DNAH5: variants seen among roughly 807,000 people sequenced by gnomAD.
DNAH5 encodes the protein axonemal beta dynein heavy chain 5.
DNAH5 carries 372 observed loss-of-function variants against 518.2 expected under a neutral mutation model. The ratio of observed to expected loss-of-function variants is 0.72; its 90% CI spans 0.66 to 0.78. The LOEUF (loss-of-function observed/expected upper bound fraction) is 0.78. Ranked by LOEUF, DNAH5 falls within the 30% of genes least tolerant of loss-of-function variation. The pLI is 0.00. For missense variants in DNAH5, 5,523 were observed against 5,687.0 expected, an observed-to-expected ratio of 0.97 and a Z score of 0.93; for synonymous variants, 2,039 against 2,025.9, an observed-to-expected ratio of 1.01 and a Z score of -0.17.
At position 13,717,482 on chromosome 5, in the gene DNAH5, G is replaced by A; in HGVS notation, c.12538C>T (p.Gln4180Ter). ...ACTGCGTACAGCATGGGCTTCCACT[G>A]GGACCCAGAGCTCACGTCCAGCAGG... ...QDLLDVSSGS[Q>*]WKPMLYAVAF... Residue 4180 changes from glutamine to a stop codon, truncating the protein, a stop_gained, in exon 73 of 79, where the codon CAG becomes TAG. Transcript: ENST00000265104. LOFTEE classifies it high-confidence loss of function. 1 of 1,614,146 alleles carries A rather than the reference G, an allele frequency of 6.2e-7. No individual in the cohort carries two copies. Among genetic ancestry groups the A allele is most frequent in the Non-Finnish European group, 8.5e-7 (1 of 1,180,006 alleles).
chr5:13,769,423 G>C, intron 57 of DNAH5, 78 bp downstream of exon 57: 1 of 1,158,788 alleles, frequency 8.6e-7, no homozygotes, highest in Middle Eastern at 1.9e-4. Flanking sequence ...GTTATAGCCA[G>C]TGAATATGCA....
chr5:13,871,066 T>G (rs1218107529), intron 23 of DNAH5, 64 bp from the exon 24 acceptor site: 1 of 1,258,810 alleles, frequency 7.9e-7, no homozygotes, highest in Non-Finnish European at 1.1e-6. Flanking sequence ...AAAGTCAAAC[T>G]GTCGCTGTTC....
At chr5:13,786,146 T>C in intron 52 of DNAH5, 33 bp downstream of exon 52, 1 of 1,611,186 alleles carries the variant, frequency 6.2e-7, no homozygotes, top group South Asian at 1.1e-5. Context: ...GTCTGTCACC[T>C]CCACAAGGCA....
intron 65 of DNAH5, among the ~76,000 whole-genome samples, chr5:13,741,448 T>C (rs1031746522): frequency 1.3e-5 from 2 of 152,198 alleles, no homozygotes; most frequent in African/African-American, 4.8e-5. Flanking sequence ...CCATCTGTTA[T>C]CTGGTTACAG....
rs759791781 is a variant in DNAH5, at chr5:13,883,006, G to C, written c.3072C>G (p.Ala1024=). The change falls in exon 20 of 79, where the codon GCC becomes GCG. Residue 1024 remains alanine, a synonymous_variant. Transcript: ENST00000265104. ...TCTGCTGTACATCTTCCAGGGCAGGGGCCATGACGATGTTGGGAATGGCCA... is the reference window on the plus strand; with the variant it reads ...TCTGCTGTACATCTTCCAGGGCAGGCGCCATGACGATGTTGGGAATGGCCA... ...VTLAIPNIVM[A]PALEDVQQTL... is the part of the protein sequence containing the mutation. 1 of 1,614,104 alleles carries C rather than the reference G, an allele frequency of 6.2e-7. No homozygotes were observed. The highest frequency in any genetic ancestry group is 1.1e-5 in the South Asian group (1 of 91,080).
At position 13,864,426 on chromosome 5, in the gene DNAH5, G is replaced by A. The variant is rs772357449; in HGVS notation, c.4567C>T (p.Pro1523Ser). Residue 1523 changes from proline (P) to serine (S), a missense_variant, in exon 28 of 79, where the codon CCT becomes TCT. Physicochemically the swap from Pro to Ser is moderately conservative, Grantham distance 74 (BLOSUM62 -1). This residue lies in a region of DNAH5 where 5,121 missense variants were observed against 5,223.3 expected (regional missense o/e 0.98). Coordinates refer to ENST00000265104, the MANE Select transcript of DNAH5 (RefSeq NM_001369.3). ...SFKLRNIMEA[P>S]LLKYKEEIED... ...ATTTCCTCTTTATATTTCAGAAGAG[G>A]TGCCTCCATGATATTTCTTAACTTA... 3 of 1,613,984 alleles carry A rather than the reference G, an allele frequency of 1.9e-6. No individual in the cohort carries two copies. The highest frequency in any genetic ancestry group is 1.7e-5 in the Admixed American group (1 of 60,006).
chr5:13,848,182 T>G (rs1766308375), intron 31 of DNAH5, among the ~76,000 whole-genome samples: 1 of 152,212 alleles, frequency 6.6e-6, no homozygotes, highest in African/African-American at 2.4e-5. Context: ...TCTAATAATT[T>G]TATAAGGGAG....
intron 17 of DNAH5, among the ~76,000 whole-genome samples, chr5:13,888,013 C>A (rs1198393787): frequency 6.6e-6 from 1 of 152,150 alleles, no homozygotes; most frequent in Middle Eastern, 3.2e-3. Context: ...ACCATCCTTC[C>A]TCGTCATACT....
At chr5:13,942,587 A>T (rs2152026818) in intron 1 of DNAH5, among the ~76,000 whole-genome samples, 1 of 152,308 alleles carries the variant, frequency 6.6e-6, no homozygotes, top group African/African-American at 2.4e-5. Flanking sequence ...TGTAGAGGGT[A>T]CTCAATATCT....
chr5:13,719,505 G>A (rs569150681), intron 71 of DNAH5, among the ~76,000 whole-genome samples: 46 of 152,262 alleles, frequency 3.0e-4, no homozygotes, highest in African/African-American at 9.4e-4. Context: ...GAGAGTGAAG[G>A]CATTATCATT....
intron 1 of DNAH5, among the ~76,000 whole-genome samples, chr5:13,942,871 G>A (rs746441865): frequency 5.3e-5 from 8 of 152,164 alleles, no homozygotes; most frequent in African/African-American, 7.2e-5. Flanking sequence ...CACGACGGTC[G>A]TGAATAAAGT....
At chr5:13,945,850 C>G (rs1446719949), upstream of DNAH5, among the ~76,000 whole-genome samples, 1 of 152,162 alleles carries the variant, frequency 6.6e-6, no homozygotes, top group Non-Finnish European at 1.5e-5. Flanking sequence ...AGCAATTGCC[C>G]ACCTCGGCCT....
At position 13,770,884 on chromosome 5, in the gene DNAH5, G is replaced by A. The variant is rs11741593; in HGVS notation, c.9470C>T (p.Ala3157Val). 1 of 1,613,996 alleles carries A rather than the reference G, an allele frequency of 6.2e-7. No homozygotes were observed. The highest frequency in any genetic ancestry group is 1.7e-5 in the Admixed American group (1 of 59,994). Residue 3157 changes from alanine to valine, a missense_variant, in exon 56 of 79, where the codon GCT (alanine) becomes GTT (valine). Coordinates refer to ENST00000265104, the MANE Select transcript of DNAH5 (RefSeq NM_001369.3). The stretch of plus-strand genomic sequence containing the variant: ...CTGAAAATAATCAACACACTTCTCA[G>A]CCACCCCATCCTGGAAGGAGCCCAT... ...QCMGSFQDGV[A>V]EKCVDYFQRF...
chr5:13,850,528 G>C (rs768288814), intron 31 of DNAH5, 124 bp downstream of exon 31: 2 of 782,188 alleles, frequency 2.6e-6, no homozygotes, highest in Non-Finnish European at 2.2e-6. Context: ...TTTCATCTGT[G>C]CAACAGCTTT....
chr5:13,917,518 C>T lies in DNAH5; in HGVS notation c.976-262G>A, dbSNP rs1410708396. Among the ~76,000 whole-genome samples, 5 of 152,304 alleles carry T rather than the reference C, an allele frequency of 3.3e-5. No homozygotes were observed. In the South Asian group the frequency reaches 6.2e-4, roughly 19 times the overall value. ...TCACAGAGCACCAGGAGGGCAGCAC[C>T]GCCCTTTAAACTCACACGTTCTCCC... On this transcript the variant is annotated intron_variant, in intron 7 of 78. Coordinates refer to ENST00000265104, the MANE Select transcript of DNAH5 (RefSeq NM_001369.3).
At chr5:13,872,104 A>C (rs542106621) in intron 22 of DNAH5, among the ~76,000 whole-genome samples, 1 of 152,262 alleles carries the variant, frequency 6.6e-6, no homozygotes, top group South Asian at 2.1e-4. Context: ...CACTACAGGG[A>C]AGGTGCTATG....
rs554480904 is a variant in DNAH5 at position 13,913,600 on chromosome 5, CT to C, written c.1536+142del. 2.7e-4 allele frequency: 270 copies of C among 991,090 alleles called. 2 individuals are homozygous for C. In the African/African-American group the frequency reaches 3.9e-3, roughly 14 times the overall value. The allele number at this position is 991,090 out of a possible 1,614,324, so 61.4% of individuals were successfully genotyped here. On this transcript the variant is annotated intron_variant, in intron 11 of 78. Transcript: ENST00000265104. ...CACAATTCTCAAACAAATCTAATTT[CT>C]TTATTGTTAAAAGGCCATGAGATTA...
At chr5:13,836,023 G>A (rs9312848) in intron 35 of DNAH5, among the ~76,000 whole-genome samples, 2 of 151,912 alleles carry the variant, frequency 1.3e-5, no homozygotes, top group African/African-American at 4.8e-5. Flanking sequence ...AAGGGCTTCA[G>A]GGTTACTCCA....
At chr5:13,724,730 T>C (rs1214386258) in intron 70 of DNAH5, among the ~76,000 whole-genome samples, 1 of 152,106 alleles carries the variant, frequency 6.6e-6, no homozygotes, top group African/African-American at 2.4e-5. Flanking sequence ...GTGAGTGAGT[T>C]CTTCCCAGAT....
Sources: gnomAD v4.1 joint callset for allele counts (sites outside exome capture counted in the v4.1 genomes callset) on GRCh38, gnomAD v4.1.1 for gene constraint, gnomAD v4.1.1 regional missense constraint, MANE v1.5 for transcripts, NCBI Gene and HGNC (gene_info 2026-07-23, HGNC 2026-07-21) for gene names.